Variants in OR10H1 observed in about 807,000 individuals in gnomAD.
OR10H1 encodes olfactory receptor family 10 subfamily H member 1, also known as olfactory receptor 10H1.
OR10H1 carries 12 observed loss-of-function variants against 13.1 expected under a neutral mutation model. The observed-to-expected ratio is 0.92, with a 90% CI of 0.59 to 1.48. OR10H1 has a LOEUF of 1.48. OR10H1 is among the 40% of genes most tolerant of loss of function. The pLI, the probability that OR10H1 is intolerant of heterozygous loss-of-function variation, is 0.00. For synonymous variants in OR10H1, 168 were observed against 175.6 expected (o/e 0.96, Z 0.34); for missense variants, 363 against 413.1 (o/e 0.88, Z 1.05).
chr19:15,807,219 G>C lies in OR10H1; in HGVS notation c.819C>G (p.Thr273=), dbSNP rs1382594469. The C allele has an allele frequency of 1.9e-6, 3 of 1,614,102 alleles. No homozygotes were observed. In the South Asian group the frequency reaches 3.3e-5, roughly 18 times the overall value. The change falls in exon 4 of 4, where the codon ACC becomes ACG. Residue 273 remains threonine (T), a synonymous_variant. Coordinates refer to ENST00000641419, the MANE Select transcript of OR10H1 (RefSeq NM_013940.4). The stretch of plus-strand genomic sequence containing the variant: ...GGACCGTGTAGGTGATGCCCATCAA[G>C]GTGTCTCCTTCCAGAGACTGGGGAC... ...PKSPQSLEGD[T]LMGITYTVLT... is the part of the protein sequence containing the mutation.
intron 1 of OR10H1, among the ~76,000 whole-genome samples, chr19:15,814,490 A>AG (rs2088955382): frequency 2.1e-5 from 1 of 47,248 alleles, no homozygotes; most frequent in East Asian, 3.3e-4. Context: ...TGAGAGAGAG[A>AG]GAGAGAGAGA....
chr19:15,807,882 C>T lies in OR10H1; in HGVS notation c.156G>A (p.Glu52=). Residue 52 remains glutamate (E), a synonymous_variant, in exon 4 of 4, where the codon GAG becomes GAA. Coordinates refer to ENST00000641419, the MANE Select transcript of OR10H1 (RefSeq NM_013940.4). ...NLLIMATVWS[E]RSLHTPMYLF... Reference sequence around the variant, plus strand: ...GGTACATGGGCGTGTGGAGGCTGCGCTCGCTCCAGACGGTGGCCATGATGA... The same window carrying T: ...GGTACATGGGCGTGTGGAGGCTGCGTTCGCTCCAGACGGTGGCCATGATGA... 6.2e-7 allele frequency: 1 copy of T among 1,614,020 alleles called. No individual in the cohort carries two copies. The highest frequency in any genetic ancestry group is 1.7e-5 in the Admixed American group (1 of 60,002).
Position 15,807,642 on chromosome 19 carries a change from G to C in OR10H1, c.396C>G (p.Tyr132Ter). 6.2e-7 allele frequency: 1 copy of C among 1,614,166 alleles called. No individual in the cohort carries two copies. ...AGCCCCGCGGGCTCATGAGCACGTT[G>C]TAGCGCAGGGGGTGGCAGATGGCCA... ...RYVAICHPLR[Y>*]NVLMSPRGCA... Residue 132 changes from tyrosine to a stop codon, truncating the protein, a stop_gained, in exon 4 of 4, where the codon TAC becomes TAG. Coordinates refer to ENST00000641419, the MANE Select transcript of OR10H1 (RefSeq NM_013940.4). LOFTEE classifies it high-confidence loss of function.
chr19:15,814,636 T>C (rs137938317), intron 1 of OR10H1, among the ~76,000 whole-genome samples: 1,887 of 138,188 alleles, frequency 0.014, 34 homozygotes, highest in African/African-American at 0.044. Context: ...CCTCAATCTC[T>C]GGAGTAGCTA....
At chr19:15,811,495 C>T (rs2088932230) in intron 2 of OR10H1, among the ~76,000 whole-genome samples, 1 of 152,058 alleles carries the variant, frequency 6.6e-6, no homozygotes, top group African/African-American at 2.4e-5. Flanking sequence ...GTCATGACAA[C>T]CAAAAAATGT....
At chr19:15,813,023 G>A (rs1046000523) in intron 1 of OR10H1, 145 bp from the exon 2 acceptor site, 3 of 152,132 alleles carry the variant, frequency 2.0e-5, no homozygotes, top group Admixed American at 1.3e-4. Flanking sequence ...GGTAGATACA[G>A]GACATTGTGC....
intron 2 of OR10H1, among the ~76,000 whole-genome samples, chr19:15,809,714 ATAAT>A (rs1176493055): frequency 1.3e-5 from 2 of 152,324 alleles, no homozygotes; most frequent in Admixed American, 1.3e-4. Context: ...GCTACATATG[ATAAT>A]TAATACAGTA....
At chr19:15,813,147 T>TA (rs5827309) in intron 1 of OR10H1, among the ~76,000 whole-genome samples, 67,401 of 145,058 alleles carry the variant, frequency 0.46, 15,612 homozygotes, top group African/African-American at 0.54. Flanking sequence ...AGATTAATGG[T>TA]AAAAAAAAAA....
rs532927464 is a variant in OR10H1 at position 15,806,802 on chromosome 19, A to G, written c.*279T>C. On this transcript the variant is annotated 3_prime_UTR_variant, in exon 4 of 4. Transcript: ENST00000641419. Reference sequence around the variant, plus strand: ...GAGTGCAGTGGTGTGATCTCAGCTCACTGCAACCTCCACCTACCGGGTCAA... The same window carrying G: ...GAGTGCAGTGGTGTGATCTCAGCTCGCTGCAACCTCCACCTACCGGGTCAA... 5.2e-6 allele frequency: 2 copies of G among 382,028 alleles called. No homozygotes were observed. Among genetic ancestry groups the G allele is most frequent in the African/African-American group, 4.1e-5 (2 of 48,330 alleles). The allele number at this position is 382,028 out of a possible 1,614,324, so 23.7% of individuals were successfully genotyped here. A position where few individuals can be genotyped will look rare whatever the true frequency, so the allele number is the denominator to read the frequency against.
intron 2 of OR10H1, among the ~76,000 whole-genome samples, chr19:15,810,954 T>C (rs77538182): frequency 6.6e-6 from 1 of 151,924 alleles, no homozygotes. Context: ...GTTGTATGTA[T>C]GTTATTACAA....
chr19:15,807,389 G>A lies in OR10H1; in HGVS notation c.649C>T (p.Leu217Phe), dbSNP rs534443627. ...GCGGCCACGATGAAGGCATAGGAGA[G>A]GAGGATGAGGAGAAAACAGCCCAGC... ...ALLGCFLLIL[L>F]SYAFIVAAIL... The change falls in exon 4 of 4, where the codon CTC becomes TTC. Residue 217 changes from leucine (L) to phenylalanine (F), a missense_variant. This residue lies in a region of OR10H1 where 318 missense variants were observed against 366.6 expected (regional missense o/e 0.87). Coordinates refer to ENST00000641419, the MANE Select transcript of OR10H1 (RefSeq NM_013940.4). The A allele has an allele frequency of 1.9e-6, 3 of 1,614,206 alleles. No individual in the cohort carries two copies. Among genetic ancestry groups the A allele is most frequent in the African/African-American group, 2.7e-5 (2 of 75,040 alleles).
Position 15,807,992 on chromosome 19 carries a change from C to A in OR10H1, c.46G>T (p.Gly16Cys). 3 of 1,613,806 alleles carry A rather than the reference C, an allele frequency of 1.9e-6. No homozygotes were observed. Among genetic ancestry groups the A allele is most frequent in the Non-Finnish European group, 2.5e-6 (3 of 1,179,912 alleles). ...HSTVTQFILV[G>C]FSVFPHLQLM... is the part of the protein sequence containing the mutation. ...TGGAGGTGGGGGAAGACAGAGAAGC[C>A]GACGAGGATGAATTGGGTCACTGTG... is the stretch of plus-strand genomic sequence containing the variant. The change falls in exon 4 of 4, where the codon GGC becomes TGC. Residue 16 changes from glycine to cysteine, a missense_variant. Around this residue, in one of 3 missense-constraint regions of OR10H1, gnomAD observed 318 missense variants for 366.6 expected, o/e 0.87. Coordinates refer to ENST00000641419, the MANE Select transcript of OR10H1 (RefSeq NM_013940.4).
In OR10H1 at chr19:15,812,379, AGG is replaced by A. The variant is rs760000784; in HGVS notation, c.-280_-279del. The A allele has an allele frequency of 0.37, 41,284 of 111,222 alleles. 6,169 individuals are homozygous for A. Among genetic ancestry groups the A allele is most frequent in the African/African-American group, 0.5 (14,626 of 29,528 alleles). The allele number at this position is 111,222 out of a possible 1,614,324, so 6.9% of individuals were successfully genotyped here. On this transcript the variant is annotated 5_prime_UTR_variant, in exon 2 of 4. It removes the in-frame stop codon of an upstream open reading frame in the 5' UTR. Coordinates refer to ENST00000641419, the MANE Select transcript of OR10H1 (RefSeq NM_013940.4). ...GGGGGAGAGAGAGAGAGAGAAAAGG[AGG>A]AGGAGGAGGAGGAGGAAAAGAAAGA...
intron 3 of OR10H1, among the ~76,000 whole-genome samples, chr19:15,808,330 T>C (rs770770670): frequency 6.6e-6 from 1 of 152,170 alleles, no homozygotes; most frequent in Non-Finnish European, 1.5e-5. Flanking sequence ...CTGGAACCCA[T>C]AGCTGGGCTG....
intron 2 of OR10H1, among the ~76,000 whole-genome samples, chr19:15,809,198 G>T (rs1399457118): frequency 6.6e-6 from 1 of 152,212 alleles, no homozygotes; most frequent in Non-Finnish European, 1.5e-5. Context: ...CCATCAGACA[G>T]AAAGAAGGGC....
chr19:15,808,171 G>T, intron 3 of OR10H1, 123 bp from the exon 4 acceptor site: 1 of 745,316 alleles, frequency 1.3e-6, no homozygotes. Flanking sequence ...TTCCCACTCT[G>T]TACCTCCTAT....
At chr19:15,809,522 C>A (rs1342284927) in intron 2 of OR10H1, among the ~76,000 whole-genome samples, 1 of 151,834 alleles carries the variant, frequency 6.6e-6, no homozygotes, top group Admixed American at 6.6e-5. Context: ...GGAACTCCAC[C>A]CCTCAAGTCA....
chr19:15,807,350 G>C lies in OR10H1; in HGVS notation c.688C>G (p.Pro230Ala), dbSNP rs1169223412. The C allele has an allele frequency of 6.2e-7, 1 of 1,613,880 alleles. No individual in the cohort carries two copies. Among genetic ancestry groups the C allele is most frequent in the African/African-American group, 1.3e-5 (1 of 74,900 alleles). ...AFIVAAILKI[P>A]SAEGRNKAFS... ...GCCTTGTTCCGACCTTCAGCAGAAG[G>C]GATCTTCAAGATGGCGGCCACGATG... The change falls in exon 4 of 4, where the codon CCT becomes GCT. Residue 230 changes from proline (P) to alanine (A), a missense_variant. This residue lies in a region of OR10H1 where 318 missense variants were observed against 366.6 expected (regional missense o/e 0.87). Transcript: ENST00000641419.
rs769671674 is a variant in OR10H1 at position 15,807,276 on chromosome 19, G to A, written c.762C>T (p.Gly254=). 7.4e-6 allele frequency: 12 copies of A among 1,614,182 alleles called. No homozygotes were observed. The highest frequency in any genetic ancestry group is 2.2e-5 in the East Asian group (1 of 44,868). ...SHLTVVVVHY[G]FASVIYLKPK... ...GCTTCAGGTAAATGACGGAGGCAAA[G>A]CCATAGTGCACGACCACCACAGTGA... Residue 254 remains glycine (G), a synonymous_variant, in exon 4 of 4, where the codon GGC becomes GGT. Coordinates refer to ENST00000641419, the MANE Select transcript of OR10H1 (RefSeq NM_013940.4).
Sources: allele counts gnomAD v4.1 joint callset (sites outside exome capture counted in the v4.1 genomes callset), GRCh38; gene constraint gnomAD v4.1.1; regional missense constraint gnomAD v4.1.1; transcripts MANE v1.5; gene names NCBI Gene and HGNC (gene_info 2026-07-23, HGNC 2026-07-21).